ZNF326: variants seen among roughly 807,000 people sequenced by gnomAD.
ZNF326 encodes DBIRD complex subunit ZNF326.
In ZNF326, 30 loss-of-function variants were observed where a neutral mutation model predicts 63.1. The observed-to-expected ratio is 0.48, with a 90% CI of 0.36 to 0.64. The LOEUF is 0.64. Ranked by LOEUF, ZNF326 falls within the 30% of genes least tolerant of loss-of-function variation. The pLI is 0.00. For synonymous variants in ZNF326, 194 were observed against 228.2 expected, an observed-to-expected ratio of 0.85 and a Z score of 1.35; for missense variants, 609 against 720.3, an observed-to-expected ratio of 0.85 and a Z score of 1.77.
chr1:90,005,321 G>T, intron 4 of ZNF326, 77 bp downstream of exon 4: 2 of 1,533,388 alleles, frequency 1.3e-6, no homozygotes, highest in Non-Finnish European at 1.7e-6. Context: ...TACTCTTTAG[G>T]CATGTTATGA....
At chr1:90,027,235 T>C (rs1650051361) in intron 11 of ZNF326, 119 bp from the exon 12 acceptor site, 1 of 907,392 alleles carries the variant, frequency 1.1e-6, no homozygotes, top group Non-Finnish European at 1.7e-6. Context: ...TGTTATAATT[T>C]ACAATGAAAA....
Position 90,013,203 on chromosome 1 carries a change from G to GA in ZNF326, c.899dup (p.Asn300LysfsTer3). On this transcript the variant is annotated frameshift_variant, in exon 7 of 12. Coordinates refer to ENST00000340281, the MANE Select transcript of ZNF326 (RefSeq NM_182976.4). LOFTEE classifies it high-confidence loss of function. ...GCGAGAGAAACAAAGGCGCAGAAGA[G>GA]AAAAAAACAGTGAGAAATACGGAGA... 6.2e-7 allele frequency: 1 copy of GA among 1,606,524 alleles called. No individual in the cohort carries two copies. Among genetic ancestry groups the GA allele is most frequent in the Non-Finnish European group, 8.5e-7 (1 of 1,176,566 alleles).
At chr1:89,995,423 G>A in intron 1 of ZNF326, 150 bp downstream of exon 1, 2 of 1,087,296 alleles carry the variant, frequency 1.8e-6, no homozygotes, top group Non-Finnish European at 2.5e-6. Context: ...GCCCGGAGTC[G>A]GCCTCTTTGG....
At position 90,012,583 on chromosome 1, in the gene ZNF326, C is replaced by G. The variant is rs113594195; in HGVS notation, c.815-543C>G. Among the ~76,000 whole-genome samples the G allele has an allele frequency of 9.8e-4, 149 of 152,168 alleles. 5 individuals carry two copies. The highest frequency in any genetic ancestry group is 3.4e-3 in the African/African-American group (142 of 41,520). ...TTTTAAAATGGTTAAACTAGTAAAT[C>G]TTATGTTTTGTGTATTTTATCACAA... is the stretch of plus-strand genomic sequence containing the variant. On this transcript the variant is annotated intron_variant, in intron 6 of 11. Coordinates refer to ENST00000340281, the MANE Select transcript of ZNF326 (RefSeq NM_182976.4).
chr1:90,021,620 A>G (rs1649777723), intron 10 of ZNF326, among the ~76,000 whole-genome samples: 1 of 152,134 alleles, frequency 6.6e-6, no homozygotes. Context: ...ATTGTGGGAA[A>G]TCAGTTTGTT....
chr1:90,024,761 A>G (rs184993335), intron 11 of ZNF326, among the ~76,000 whole-genome samples: 88 of 152,208 alleles, frequency 5.8e-4, no homozygotes, highest in Middle Eastern at 3.4e-3. Context: ...GATTACAGGC[A>G]CACACCACCA....
At chr1:90,024,695 G>A (rs1419302023) in intron 11 of ZNF326, among the ~76,000 whole-genome samples, 32 of 151,908 alleles carry the variant, frequency 2.1e-4, no homozygotes, top group Admixed American at 2.1e-3. Context: ...GCTCACTGCA[G>A]CCTTGAACTC....
At chr1:90,003,112 A>G (rs926400029) in intron 2 of ZNF326, among the ~76,000 whole-genome samples, 1 of 151,568 alleles carries the variant, frequency 6.6e-6, no homozygotes, top group Non-Finnish European at 1.5e-5. Flanking sequence ...CGTTAAAACA[A>G]TGTTTTCACT....
chr1:90,017,599 A>C, intron 8 of ZNF326, 135 bp downstream of exon 8: 2 of 763,784 alleles, frequency 2.6e-6, no homozygotes, highest in Non-Finnish European at 2.0e-6. Context: ...GTTGTTTTAA[A>C]ATTAACTCAG....
intron 9 of ZNF326, 54 bp from the exon 10 acceptor site, chr1:90,020,738 T>G: frequency 6.5e-7 from 1 of 1,550,180 alleles, no homozygotes; most frequent in Non-Finnish European, 8.7e-7. Context: ...AAAAACTTCA[T>G]TGGTCAGAAA....
At chr1:90,003,703 A>G (rs888054575) in intron 2 of ZNF326, among the ~76,000 whole-genome samples, 4 of 152,244 alleles carry the variant, frequency 2.6e-5, no homozygotes, top group Admixed American at 1.3e-4. Flanking sequence ...ATGTAGAAGC[A>G]ATAGCATGAG....
At chr1:90,011,006 T>C (rs1649207629) in intron 6 of ZNF326, among the ~76,000 whole-genome samples, 1 of 152,176 alleles carries the variant, frequency 6.6e-6, no homozygotes, top group African/African-American at 2.4e-5. Context: ...TTTGACATTT[T>C]ATTAGACATT....
At chr1:90,011,648 G>A (rs1343122336) in intron 6 of ZNF326, among the ~76,000 whole-genome samples, 1 of 151,382 alleles carries the variant, frequency 6.6e-6, no homozygotes, top group Admixed American at 6.6e-5. Context: ...ATGTTGACAA[G>A]GATATGGAGA....
chr1:90,014,410 CAA>C (rs1451159051), intron 7 of ZNF326, among the ~76,000 whole-genome samples: 3 of 151,644 alleles, frequency 2.0e-5, no homozygotes, highest in Non-Finnish European at 4.4e-5. Flanking sequence ...GATGAGGAAA[CAA>C]AAAACAGCTA....
At position 90,032,863 on chromosome 1, in the gene ZNF326, T is replaced by C. The variant is rs1297747875; in HGVS notation, c.*5162T>C. On this transcript the variant is annotated 3_prime_UTR_variant, in exon 12 of 12. Transcript: ENST00000340281. ...CAGAGTATATGTGCAGAGCATATAATGCAGAGCATACAAATAGGGGCCATC... is the reference window on the plus strand; with the variant it reads ...CAGAGTATATGTGCAGAGCATATAACGCAGAGCATACAAATAGGGGCCATC... 24 of 152,260 alleles carry C rather than the reference T, an allele frequency of 1.6e-4. No individual in the cohort carries two copies. Among genetic ancestry groups the C allele is most frequent in the Non-Finnish European group, 3.2e-4 (22 of 68,058 alleles). 9.4% of individuals were successfully genotyped at this position (152,260 alleles called of 1,614,324 possible).
At chr1:90,013,293 G>A in intron 7 of ZNF326, 56 bp downstream of exon 7, 1 of 1,300,782 alleles carries the variant, frequency 7.7e-7, no homozygotes, top group South Asian at 1.6e-5. Context: ...CCTAGAAAAA[G>A]CCAACACATC....
chr1:90,001,783 C>T (rs1648696597), intron 2 of ZNF326, among the ~76,000 whole-genome samples: 1 of 152,050 alleles, frequency 6.6e-6, no homozygotes, highest in East Asian at 1.9e-4. Context: ...GTCTTGAACT[C>T]CTGACCTCAG....
At chr1:90,021,934 G>C (rs923987809) in intron 10 of ZNF326, among the ~76,000 whole-genome samples, 1 of 152,010 alleles carries the variant, frequency 6.6e-6, no homozygotes, top group South Asian at 2.1e-4. Context: ...TTTATTTTTT[G>C]ACAGCGTGAA....
Position 90,033,480 on chromosome 1 carries a change from T to TTATGA in ZNF326, c.*5779_*5780insTATGA, listed in dbSNP as rs1650357775. 1.3e-5 allele frequency: 2 copies of TTATGA among 152,166 alleles called. No individual in the cohort carries two copies. Among genetic ancestry groups the TTATGA allele is most frequent in the Non-Finnish European group, 2.9e-5 (2 of 67,984 alleles). 9.4% of individuals were successfully genotyped at this position (152,166 alleles called of 1,614,324 possible). ...ATAATAGTTTCATATGTAATCCTCATCATATTATATGTCATAATCTTCAAA... is the reference window on the plus strand; with the variant it reads ...ATAATAGTTTCATATGTAATCCTCATTATGACATATTATATGTCATAATCTTCAAA... On this transcript the variant is annotated 3_prime_UTR_variant, in exon 12 of 12. Transcript: ENST00000340281.
Sources: allele counts gnomAD v4.1 joint callset (sites outside exome capture counted in the v4.1 genomes callset), GRCh38; gene constraint gnomAD v4.1.1; transcripts MANE v1.5; gene names NCBI Gene and HGNC (gene_info 2026-07-23, HGNC 2026-07-21).